Variants in FOXP1 observed in about 807,000 individuals in gnomAD.
The protein encoded by FOXP1 is forkhead box P1, also known as forkhead box protein P1.
A neutral mutation model predicts 98.2 loss-of-function variants in FOXP1; 15 were observed. That is an observed-to-expected ratio of 0.15 (90% CI 0.10 to 0.24). The LOEUF (loss-of-function observed/expected upper bound fraction) is 0.24. FOXP1 is among the 10% of genes least tolerant of loss of function. The pLI is 1.00. For synonymous variants in FOXP1, 371 were observed against 314.5 expected (o/e 1.18, Z -1.90); for missense variants, 633 against 848.5 (o/e 0.75, Z 3.15).
chr3:71,513,950 C>G (rs966971082), intron 2 of FOXP1, among the ~76,000 whole-genome samples: 1 of 152,196 alleles, frequency 6.6e-6, no homozygotes, highest in Non-Finnish European at 1.5e-5. Context: ...CTTTCCATTT[C>G]TAATAAAACT....
At chr3:71,083,999 C>T (rs145109668) in intron 7 of FOXP1, among the ~76,000 whole-genome samples, 60 of 152,286 alleles carry the variant, frequency 3.9e-4, no homozygotes, top group African/African-American at 1.4e-3. Flanking sequence ...ACAAGGCACA[C>T]CATTGCAGTT....
chr3:70,983,304 G>GA (rs2039193074), intron 14 of FOXP1, among the ~76,000 whole-genome samples: 1 of 152,106 alleles, frequency 6.6e-6, no homozygotes, highest in African/African-American at 2.4e-5. Context: ...GGCACTTAAT[G>GA]AAAAACAGTA....
intron 11 of FOXP1, among the ~76,000 whole-genome samples, chr3:71,040,836 A>C (rs902503569): frequency 1.1e-4 from 17 of 152,174 alleles, no homozygotes; most frequent in African/African-American, 3.9e-4. Context: ...CTCAGAATAC[A>C]TACGGGAAAG....
intron 3 of FOXP1, among the ~76,000 whole-genome samples, chr3:71,489,139 A>G (rs755065930): frequency 6.6e-5 from 10 of 152,088 alleles, no homozygotes; most frequent in Non-Finnish European, 1.5e-4. Flanking sequence ...CGGAAAGTCC[A>G]TATTCTCGAG....
intron 5 of FOXP1, among the ~76,000 whole-genome samples, chr3:71,274,670 T>A (rs2070718474): frequency 6.6e-6 from 1 of 152,202 alleles, no homozygotes; most frequent in African/African-American, 2.4e-5. Flanking sequence ...GTGGAGATAA[T>A]AATTTAGCAT....
At chr3:71,579,203 A>G (rs2047953182) in intron 2 of FOXP1, among the ~76,000 whole-genome samples, 1 of 152,186 alleles carries the variant, frequency 6.6e-6, no homozygotes, top group African/African-American at 2.4e-5. Flanking sequence ...AATTTAAAAT[A>G]ACATTTAATT....
intron 19 of FOXP1, 143 bp from the exon 20 acceptor site, chr3:70,966,199 G>T: frequency 1.1e-4 from 88 of 766,192 alleles, no homozygotes; most frequent in East Asian, 2.2e-4. Flanking sequence ...GGTGTTGAAA[G>T]ATTTTGCTTT....
At chr3:71,121,007 G>C (rs2058722405) in intron 6 of FOXP1, among the ~76,000 whole-genome samples, 2 of 151,138 alleles carry the variant, frequency 1.3e-5, no homozygotes, top group Admixed American at 1.3e-4. Flanking sequence ...TCTTGGGGAG[G>C]AAAAGATGGC....
chr3:71,069,144 C>A (rs1366653313), intron 7 of FOXP1, among the ~76,000 whole-genome samples: 9 of 152,246 alleles, frequency 5.9e-5, no homozygotes, highest in South Asian at 4.1e-4. Context: ...AGGGAAAACA[C>A]TGAGTTCTCA....
intron 3 of FOXP1, among the ~76,000 whole-genome samples, chr3:71,395,915 A>T (rs1397621817): frequency 1.3e-5 from 2 of 152,172 alleles, no homozygotes; most frequent in African/African-American, 4.8e-5. Context: ...AATATATTAT[A>T]AATGCTCTGC....
intron 13 of FOXP1, among the ~76,000 whole-genome samples, chr3:71,000,407 A>G (rs2107607182): frequency 6.6e-6 from 1 of 152,240 alleles, no homozygotes; most frequent in East Asian, 1.9e-4. Context: ...GGTGGAGAGA[A>G]AAAAGGACAA....
chr3:71,550,963 C>T (rs936939414), intron 2 of FOXP1, among the ~76,000 whole-genome samples: 17 of 152,126 alleles, frequency 1.1e-4, no homozygotes, highest in Non-Finnish European at 1.8e-4. Flanking sequence ...CCAGACTTCA[C>T]GGAGTTGGGT....
intron 10 of FOXP1, among the ~76,000 whole-genome samples, chr3:71,041,967 C>CTTTATTATT (rs2048408054): frequency 6.6e-6 from 1 of 152,162 alleles, no homozygotes; most frequent in African/African-American, 2.4e-5. Flanking sequence ...TAAATGATGA[C>CTTTATTATT]AAATAGCTTT....
At chr3:71,541,465 T>C (rs2044806282) in intron 2 of FOXP1, among the ~76,000 whole-genome samples, 1 of 152,196 alleles carries the variant, frequency 6.6e-6, no homozygotes, top group Non-Finnish European at 1.5e-5. Flanking sequence ...GATGTCTAGA[T>C]ATGCTGGAGA....
chr3:71,360,205 A>G (rs1270917561), intron 3 of FOXP1, among the ~76,000 whole-genome samples: 1 of 152,214 alleles, frequency 6.6e-6, no homozygotes, highest in Non-Finnish European at 1.5e-5. Flanking sequence ...ATGAGTTTTG[A>G]TCTTTTAGCC....
intron 4 of FOXP1, among the ~76,000 whole-genome samples, chr3:71,355,560 A>G (rs1412970996): frequency 6.6e-6 from 1 of 152,176 alleles, no homozygotes; most frequent in South Asian, 2.1e-4. Context: ...ATTTTATGAC[A>G]TCTGAGAAGA....
At chr3:71,563,321 G>T (rs538390965) in intron 2 of FOXP1, among the ~76,000 whole-genome samples, 1 of 152,264 alleles carries the variant, frequency 6.6e-6, no homozygotes, top group South Asian at 2.1e-4. Flanking sequence ...TAACAAAAAA[G>T]GGCACATGGA....
chr3:71,321,036 C>T (rs1355518698), intron 4 of FOXP1, among the ~76,000 whole-genome samples: 2 of 150,250 alleles, frequency 1.3e-5, no homozygotes, highest in Admixed American at 6.7e-5. Flanking sequence ...TTAATCAAGT[C>T]GACTTCTTAT....
At chr3:71,471,728 CAT>C (rs774540329) in intron 3 of FOXP1, among the ~76,000 whole-genome samples, 7 of 152,162 alleles carry the variant, frequency 4.6e-5, no homozygotes, top group African/African-American at 7.2e-5. Flanking sequence ...AAGGACCCCA[CAT>C]GTTTTGTTAC....
Sources: allele counts gnomAD v4.1 joint callset (sites outside exome capture counted in the v4.1 genomes callset), GRCh38; gene constraint gnomAD v4.1.1; transcripts MANE v1.5; gene names NCBI Gene and HGNC (gene_info 2026-07-23, HGNC 2026-07-21).